Variants in STS observed in about 807,000 individuals in gnomAD.
STS encodes the protein steroid sulfatase.
In STS, 7 loss-of-function variants were observed where a neutral mutation model predicts 26.8. That is an observed-to-expected ratio of 0.26 (90% CI 0.15 to 0.49). The LOEUF (loss-of-function observed/expected upper bound fraction) is 0.49. Ranked by LOEUF, STS falls within the 20% of genes least tolerant of loss-of-function variation. STS has a pLI of 0.98. For synonymous variants in STS, 199 were observed against 189.4 expected, an observed-to-expected ratio of 1.05 and a Z score of -0.42; for missense variants, 434 against 465.6, an observed-to-expected ratio of 0.93 and a Z score of 0.63.
At chrX:7,324,358 C>T (rs5933854) in intron 8 of STS, among the ~76,000 whole-genome samples, 50,385 of 109,333 alleles carry the variant, frequency 0.46, 8,861 homozygotes, top group Non-Finnish European at 0.53. Context: ...TCAGAGAGAA[C>T]AGATTGTACG....
intron 6 of STS, among the ~76,000 whole-genome samples, chrX:7,268,088 G>C (rs1408317755): frequency 9.1e-6 from 1 of 110,478 alleles, no homozygotes; most frequent in African/African-American, 3.3e-5. Context: ...ATGATGGAAA[G>C]TATCAGTAAT....
intron 2 of STS, among the ~76,000 whole-genome samples, chrX:7,244,372 A>G (rs1157776547): frequency 3.6e-5 from 4 of 112,035 alleles, no homozygotes; most frequent in Non-Finnish European, 5.6e-5. Flanking sequence ...TACCCGAGAA[A>G]CATTGTCTGT....
chrX:7,318,509 A>AT (rs1216603763), intron 8 of STS, among the ~76,000 whole-genome samples: 3 of 111,129 alleles, frequency 2.7e-5, no homozygotes, highest in Admixed American at 9.6e-5. Context: ...ATTTTAAAAC[A>AT]TTTTTTTGCC....
chrX:7,232,886 A>C (rs1255639908), intron 2 of STS, among the ~76,000 whole-genome samples: 4 of 110,478 alleles, frequency 3.6e-5, no homozygotes, highest in Admixed American at 1.9e-4. Flanking sequence ...CTGAGTTCTC[A>C]CAAGATCTGA....
intron 6 of STS, among the ~76,000 whole-genome samples, chrX:7,265,838 G>A (rs1356532326): frequency 8.9e-6 from 1 of 112,215 alleles, no homozygotes; most frequent in Non-Finnish European, 1.9e-5. Flanking sequence ...ATCTGTGTTA[G>A]ATTAGTTATC....
chrX:7,211,916 AC>A (rs1921047341), intron 2 of STS, among the ~76,000 whole-genome samples: 1 of 109,673 alleles, frequency 9.1e-6, no homozygotes, highest in African/African-American at 3.5e-5. Flanking sequence ...TAAAAGCCAA[AC>A]TGGGACTGAA....
At chrX:7,167,309 G>A (rs953024907) in intron 1 of STS, among the ~76,000 whole-genome samples, 1 of 111,368 alleles carries the variant, frequency 9.0e-6, no homozygotes, top group Non-Finnish European at 1.9e-5. Context: ...TCTGCCTCCC[G>A]GGTTCCAGCA....
At chrX:7,299,296 A>G (rs1925844395) in intron 7 of STS, among the ~76,000 whole-genome samples, 1 of 98,420 alleles carries the variant, frequency 1.0e-5, no homozygotes, top group Admixed American at 1.2e-4. Flanking sequence ...ATAACATGAT[A>G]ATAAATATAT....
upstream of STS, among the ~76,000 whole-genome samples, chrX:7,147,706 C>T (rs1242462412): frequency 8.9e-6 from 1 of 111,906 alleles, no homozygotes; most frequent in Non-Finnish European, 1.9e-5. Context: ...GGTCCCGCCG[C>T]GCCTCGCTCT....
At chrX:7,197,354 C>A (rs1361732013) in intron 2 of STS, among the ~76,000 whole-genome samples, 1 of 111,547 alleles carries the variant, frequency 9.0e-6, no homozygotes, top group East Asian at 2.8e-4. Flanking sequence ...CCGAGCCAGA[C>A]CCCAAGACAG....
At position 7,263,769 on chromosome X, in the gene STS, A is replaced by G. The variant is rs993878665; in HGVS notation, c.806+3997A>G. On this transcript the variant is annotated intron_variant, in intron 6 of 10. Coordinates refer to ENST00000674429, the MANE Select transcript of STS (RefSeq NM_001320752.2). ...GGTGTTGTGTTGCGTTTGTGTGTGTATATATATATGTATGTGTAAATATGT... is the reference window on the plus strand; with the variant it reads ...GGTGTTGTGTTGCGTTTGTGTGTGTGTATATATATGTATGTGTAAATATGT... Among the ~76,000 whole-genome samples, 4 of 110,168 alleles carry G rather than the reference A, an allele frequency of 3.6e-5. No individual in the cohort carries two copies. In the South Asian group the frequency reaches 1.2e-3, roughly 32 times the overall value.
intron 2 of STS, among the ~76,000 whole-genome samples, chrX:7,202,828 G>C (rs1048246229): frequency 4.5e-5 from 5 of 110,915 alleles, no homozygotes; most frequent in African/African-American, 1.3e-4. Context: ...TGGGGGCCCA[G>C]ATAGAACACA....
intron 10 of STS, among the ~76,000 whole-genome samples, chrX:7,349,315 C>CT (rs1928669611): frequency 7.4e-4 from 15 of 20,285 alleles, no homozygotes; most frequent in East Asian, 3.6e-3. Context: ...TCATTTAATT[C>CT]CTTTTTTTTT....
In STS at chrX:7,341,792, CT is replaced by C. The variant is rs1210597139; in HGVS notation, c.1363+7696del. Among the ~76,000 whole-genome samples, 28 of 104,659 alleles carry C rather than the reference CT, an allele frequency of 2.7e-4. 1 individual carries two copies. Among genetic ancestry groups the C allele is most frequent in the East Asian group, 8.9e-4 (3 of 3,363 alleles). The allele number at this position is 104,659 out of a possible 115,157, so 90.9% of individuals were successfully genotyped here. On this transcript the variant is annotated intron_variant, in intron 10 of 10. Transcript: ENST00000674429. ...CCCTTCCTCCTAATAACCATCATCT[CT>C]TTTTTTTTTTAAATTTATCCAACAA...
intron 2 of STS, among the ~76,000 whole-genome samples, chrX:7,228,246 T>TG (rs2147056777): frequency 9.0e-6 from 1 of 111,455 alleles, no homozygotes; most frequent in African/African-American, 3.3e-5. Context: ...TTTCCAGGAG[T>TG]GGGGTTGCTA....
At chrX:7,341,539 C>T (rs890414021) in intron 10 of STS, among the ~76,000 whole-genome samples, 1 of 112,061 alleles carries the variant, frequency 8.9e-6, no homozygotes, top group African/African-American at 3.2e-5. Flanking sequence ...AAATGTACTT[C>T]CAAGCTCTCT....
rs188382712 is a variant in STS at position 7,182,088 on chromosome X, A to G, written c.-133-8792A>G. ...GTCCCCCTGTCTCAAACAAAAAAAC[A>G]AAAAAACCTCAAAACAACCAATGAT... On this transcript the variant is annotated intron_variant, in intron 1 of 10. Transcript: ENST00000674429. 6.3e-5 allele frequency among the ~76,000 whole-genome samples: 7 copies of G among 111,676 alleles called. No individual in the cohort carries two copies. In the East Asian group the frequency reaches 2.0e-3, roughly 32 times the overall value.
chrX:7,152,244 G>A (rs1281965686), intron 1 of STS, among the ~76,000 whole-genome samples: 4 of 112,014 alleles, frequency 3.6e-5, no homozygotes, highest in South Asian at 3.8e-4. Flanking sequence ...GAGCCACCAC[G>A]CCCGGCCAGG....
intron 1 of STS, among the ~76,000 whole-genome samples, chrX:7,163,892 C>T (rs1933298122): frequency 8.9e-6 from 1 of 112,380 alleles, no homozygotes; most frequent in South Asian, 3.7e-4. Context: ...GATCTCAGCT[C>T]ACTGCAATCT....
Sources: gnomAD v4.1 joint callset for allele counts (sites outside exome capture counted in the v4.1 genomes callset) on GRCh38, gnomAD v4.1.1 for gene constraint, MANE v1.5 for transcripts, NCBI Gene and HGNC (gene_info 2026-07-23, HGNC 2026-07-21) for gene names.